CRIM1: variants seen among roughly 807,000 people sequenced by gnomAD.
CRIM1 encodes cysteine rich transmembrane BMP regulator 1, also known as cysteine-rich motor neuron 1 protein.
In CRIM1, 32 loss-of-function variants were observed where a neutral mutation model predicts 116.4. The observed-to-expected ratio is 0.27, with a 90% CI of 0.21 to 0.37. The LOEUF (loss-of-function observed/expected upper bound fraction) is 0.37, where lower values mean the gene tolerates loss of function less well. Ranked by LOEUF, CRIM1 falls within the 10% of genes least tolerant of loss-of-function variation. The pLI is 1.00. For synonymous variants in CRIM1, 590 were observed against 509.2 expected (o/e 1.16, Z -2.13); for missense variants, 1,331 against 1,354.8 (o/e 0.98, Z 0.28).
chr2:36,497,690 G>C (rs1010790462), intron 7 of CRIM1, among the ~76,000 whole-genome samples: 4 of 152,200 alleles, frequency 2.6e-5, no homozygotes, highest in Non-Finnish European at 5.9e-5. Flanking sequence ...AATAAGAATA[G>C]AGAATGTGCT....
intron 4 of CRIM1, among the ~76,000 whole-genome samples, chr2:36,461,976 T>C (rs1374973860): frequency 6.6e-6 from 1 of 152,208 alleles, no homozygotes; most frequent in Non-Finnish European, 1.5e-5. Flanking sequence ...CAGGGGAAGC[T>C]GTGAAAAGTC....
intron 1 of CRIM1, among the ~76,000 whole-genome samples, chr2:36,388,291 T>C (rs1228425621): frequency 2.6e-5 from 4 of 152,176 alleles, no homozygotes; most frequent in African/African-American, 9.7e-5. Context: ...GTGATATTTA[T>C]TACATTAAAA....
At chr2:36,451,948 C>A (rs1183245977) in intron 4 of CRIM1, among the ~76,000 whole-genome samples, 1 of 152,014 alleles carries the variant, frequency 6.6e-6, no homozygotes, top group Non-Finnish European at 1.5e-5. Context: ...TACCATTGTG[C>A]TAGGCAATTA....
At chr2:36,385,124 G>C (rs1021076798) in intron 1 of CRIM1, among the ~76,000 whole-genome samples, 3 of 151,410 alleles carry the variant, frequency 2.0e-5, no homozygotes, top group African/African-American at 7.3e-5. Context: ...TTTTAGGCAA[G>C]ATATTTAGGG....
In CRIM1 at chr2:36,537,487, C is replaced by T. The variant is rs768512468; in HGVS notation, c.2564C>T (p.Pro855Leu). The T allele has an allele frequency of 3.3e-5, 53 of 1,614,054 alleles. No individual in the cohort carries two copies. Among genetic ancestry groups the T allele is most frequent in the Non-Finnish European group, 4.2e-5 (49 of 1,180,026 alleles). ...GQTLCSTVSC[P>L]PLPCVEPINV... is the part of the protein sequence containing the mutation. ...ACCCTCTGCTCGACCGTCAGCTGCC[C>T]CCCTCTGCCCTGTGTTGAGCCCATC... The change falls in exon 14 of 17, where the codon CCC (proline) becomes CTC (leucine). Residue 855 changes from proline (P) to leucine (L), a missense_variant. Pro to Leu is a moderately conservative substitution (Grantham distance 98). Transcript: ENST00000280527.
At chr2:36,473,396 A>C (rs1262178820) in intron 5 of CRIM1, among the ~76,000 whole-genome samples, 4 of 152,088 alleles carry the variant, frequency 2.6e-5, no homozygotes, top group African/African-American at 9.7e-5. Flanking sequence ...TTACCAACTT[A>C]AGTTGTGCAA....
intron 2 of CRIM1, among the ~76,000 whole-genome samples, chr2:36,435,091 G>C (rs1251878677): frequency 6.6e-6 from 1 of 152,110 alleles, no homozygotes; most frequent in Non-Finnish European, 1.5e-5. Context: ...CTGTGCTACT[G>C]AGTGACCAAG....
At chr2:36,429,806 G>A (rs753273808) in intron 2 of CRIM1, among the ~76,000 whole-genome samples, 6 of 152,286 alleles carry the variant, frequency 3.9e-5, no homozygotes, top group African/African-American at 1.4e-4. Flanking sequence ...GCTTAAAAAA[G>A]CGTTTGCCTT....
intron 4 of CRIM1, among the ~76,000 whole-genome samples, chr2:36,463,535 C>T (rs1243385640): frequency 6.6e-6 from 1 of 152,142 alleles, no homozygotes. Flanking sequence ...GTCATCTTCT[C>T]CACCCTCTGA....
chr2:36,470,197 G>A (rs967527161), intron 5 of CRIM1, among the ~76,000 whole-genome samples: 1 of 152,172 alleles, frequency 6.6e-6, no homozygotes, highest in Non-Finnish European at 1.5e-5. Flanking sequence ...ATGAACAGAT[G>A]GAGAGAACAT....
chr2:36,371,364 CT>C, intron 1 of CRIM1, among the ~76,000 whole-genome samples: 1 of 152,124 alleles, frequency 6.6e-6, no homozygotes, highest in Non-Finnish European at 1.5e-5. Context: ...TCATTGTGAT[CT>C]ATTTGAGTGC....
intron 1 of CRIM1, among the ~76,000 whole-genome samples, chr2:36,377,010 C>T (rs961839787): frequency 3.9e-5 from 6 of 152,218 alleles, no homozygotes; most frequent in Non-Finnish European, 8.8e-5. Flanking sequence ...GGGTTGGTCA[C>T]TGATTTCCCC....
In CRIM1 at chr2:36,471,663, A is replaced by G. The variant is rs1460117631; in HGVS notation, c.992-5226A>G. ...TTTGGCTTCCCTGGGCCACATTGGA[A>G]GAAGAAGATTGTCTTGGGCCACATG... is the stretch of plus-strand genomic sequence containing the variant. On this transcript the variant is annotated intron_variant, in intron 5 of 16. Coordinates refer to ENST00000280527, the MANE Select transcript of CRIM1 (RefSeq NM_016441.3). 3.3e-5 allele frequency among the ~76,000 whole-genome samples: 5 copies of G among 151,460 alleles called. No homozygotes were observed. The East Asian group carries it at 7.7e-4, about 23-fold the overall frequency.
At chr2:36,431,173 G>A (rs531775240) in intron 2 of CRIM1, among the ~76,000 whole-genome samples, 24 of 152,178 alleles carry the variant, frequency 1.6e-4, no homozygotes, top group East Asian at 3.9e-4. Flanking sequence ...TTGGGACATC[G>A]CGTTAGGTGT....
intron 1 of CRIM1, among the ~76,000 whole-genome samples, chr2:36,383,314 T>C (rs946772731): frequency 6.6e-6 from 1 of 152,252 alleles, no homozygotes; most frequent in Non-Finnish European, 1.5e-5. Context: ...ACTGCTATGT[T>C]TTAAAATATC....
intron 1 of CRIM1, chr2:36,368,986 C>T (rs1003310942): frequency 5.3e-5 from 8 of 152,196 alleles, no homozygotes; most frequent in African/African-American, 1.9e-4. Flanking sequence ...TACCGTCTCT[C>T]TTCCAGGCTA....
intron 7 of CRIM1, among the ~76,000 whole-genome samples, chr2:36,489,145 TGTA>T (rs1431822768): frequency 6.6e-6 from 1 of 152,212 alleles, no homozygotes; most frequent in African/African-American, 2.4e-5. Flanking sequence ...TGCTTCTTTA[TGTA>T]TAATCAGTGC....
chr2:36,395,919 T>C (rs975202328), intron 1 of CRIM1, among the ~76,000 whole-genome samples: 15 of 152,158 alleles, frequency 9.9e-5, no homozygotes, highest in African/African-American at 3.6e-4. Flanking sequence ...TTGGTCTCTA[T>C]CAATAGAGTA....
chr2:36,426,383 T>G (rs1674451107), intron 2 of CRIM1, among the ~76,000 whole-genome samples: 1 of 152,218 alleles, frequency 6.6e-6, no homozygotes, highest in Non-Finnish European at 1.5e-5. Flanking sequence ...TCAAGTCTCT[T>G]ATTTAAGTCT....
Sources: gnomAD v4.1 joint callset for allele counts (sites outside exome capture counted in the v4.1 genomes callset) on GRCh38, gnomAD v4.1.1 for gene constraint, MANE v1.5 for transcripts, NCBI Gene and HGNC (gene_info 2026-07-23, HGNC 2026-07-21) for gene names.